The following PTK2 variants were observed in gnomAD, a reference collection of about 807,000 sequenced individuals.
The protein encoded by PTK2 is protein tyrosine kinase 2, also known as focal adhesion kinase 1.
A neutral mutation model predicts 150.1 loss-of-function variants in PTK2; 45 were observed. That is an observed-to-expected ratio of 0.30 (90% CI 0.24 to 0.38). PTK2 has a LOEUF of 0.38. PTK2 is among the 10% of genes least tolerant of loss of function. The probability of loss-of-function intolerance (pLI) is 1.00; values close to 1 mark genes in which losing one functional copy is unlikely to be tolerated. For synonymous variants in PTK2, 432 were observed against 449.2 expected (o/e 0.96, Z 0.48); for missense variants, 919 against 1,307.3 (o/e 0.70, Z 4.58).
At chr8:140,769,621 G>C in intron 14 of PTK2, 29 bp from the exon 16 acceptor site, 1 of 1,348,492 alleles carries the variant, frequency 7.4e-7, no homozygotes, top group Non-Finnish European at 9.8e-7. Flanking sequence ...TGCAAAGAAA[G>C]GGAAGTAGGG....
intron 7 of PTK2, among the ~76,000 whole-genome samples, chr8:140,832,744 C>T (rs1052065499): frequency 4.0e-5 from 6 of 151,814 alleles, no homozygotes; most frequent in Non-Finnish European, 5.9e-5. Context: ...GCTGAAGCTA[C>T]GCACCGAGAA....
chr8:140,771,388 A>G (rs111457802), intron 14 of PTK2: 162 of 152,358 alleles, frequency 1.1e-3, no homozygotes, highest in African/African-American at 3.6e-3. Flanking sequence ...AGCTCATTTT[A>G]GAGTCAAAAA....
At chr8:140,764,363 A>T in intron 14 of PTK2, 73 bp from the exon 17 acceptor site, 1 of 1,151,646 alleles carries the variant, frequency 8.7e-7, no homozygotes, top group Non-Finnish European at 1.3e-6. Flanking sequence ...TAATTAAAGT[A>T]GGCAAAGCGA....
chr8:140,696,846 G>A (rs531572357), intron 26 of PTK2, among the ~76,000 whole-genome samples: 1 of 152,128 alleles, frequency 6.6e-6, no homozygotes, highest in African/African-American at 2.4e-5. Flanking sequence ...CATGGTCCAT[G>A]GTCTCTGCAC....
At chr8:140,930,883 G>A (rs1359184455) in intron 1 of PTK2, among the ~76,000 whole-genome samples, 67 of 152,050 alleles carry the variant, frequency 4.4e-4, no homozygotes, top group Admixed American at 4.3e-3. Flanking sequence ...AGACCAGCCT[G>A]AGTAACATGG....
intron 14 of PTK2, among the ~76,000 whole-genome samples, chr8:140,772,477 G>A (rs1187230563): frequency 6.6e-6 from 1 of 152,208 alleles, no homozygotes; most frequent in Non-Finnish European, 1.5e-5. Flanking sequence ...ATGAATTCTG[G>A]ACTGGAGGCT....
chr8:140,794,536 A>G (rs1432228816), intron 12 of PTK2, among the ~76,000 whole-genome samples: 2 of 152,108 alleles, frequency 1.3e-5, no homozygotes, highest in Non-Finnish European at 2.9e-5. Flanking sequence ...AACATCTCCA[A>G]TGACATCTGC....
chr8:140,727,131 G>A (rs1415881666), intron 22 of PTK2, among the ~76,000 whole-genome samples: 1 of 152,218 alleles, frequency 6.6e-6, no homozygotes, highest in Non-Finnish European at 1.5e-5. Flanking sequence ...GGCAGAGAAA[G>A]AGAGGTGGAT....
intron 22 of PTK2, among the ~76,000 whole-genome samples, chr8:140,722,318 A>C (rs1473012648): frequency 6.6e-6 from 1 of 152,190 alleles, no homozygotes; most frequent in East Asian, 1.9e-4. Context: ...TCTGTAGCCT[A>C]GGCTGGAGTT....
chr8:140,911,133 C>T lies in PTK2; in HGVS notation c.-33+14528G>A, dbSNP rs1377348230. 2.0e-5 allele frequency among the ~76,000 whole-genome samples: 3 copies of T among 151,970 alleles called. No homozygotes were observed. The East Asian group carries it at 5.8e-4, about 29-fold the overall frequency. On this transcript the variant is annotated intron_variant, in intron 2 of 31. Coordinates refer to ENST00000522684, the Ensembl canonical transcript of PTK2. The stretch of plus-strand genomic sequence containing the variant: ...CTCAAACTCCTGAGCTCAAGCAATC[C>T]ACCCACCTCAGCCTCCCAAAGCACT...
intron 31 of PTK2, chr8:140,660,587 A>G: frequency 2.2e-6 from 1 of 454,852 alleles, no homozygotes; most frequent in Non-Finnish European, 4.4e-6. Context: ...TTAGCTGAGT[A>G]TGGTGGTGTG....
At chr8:140,696,397 G>A (rs2154000322) in intron 26 of PTK2, among the ~76,000 whole-genome samples, 1 of 152,314 alleles carries the variant, frequency 6.6e-6, no homozygotes, top group South Asian at 2.1e-4. Context: ...AGAGAACGCA[G>A]TAGTGCACAT....
rs145627057 is a variant in PTK2, at chr8:140,787,843, C to T, written c.1177+1631G>A. Among the ~76,000 whole-genome samples, 684 of 152,274 alleles carry T rather than the reference C, an allele frequency of 4.5e-3. 3 individuals are homozygous for T. The highest frequency in any genetic ancestry group is 0.016 in the African/African-American group (646 of 41,552). On this transcript the variant is annotated intron_variant, in intron 14 of 31. Coordinates refer to ENST00000522684, the Ensembl canonical transcript of PTK2. ...GCTGCTTTACAGTTTGGCAAGAAGA[C>T]GGACCAAAGGGCCTGCGAGTTATTC...
At chr8:140,707,661 TC>T (rs1057026333) in intron 23 of PTK2, among the ~76,000 whole-genome samples, 3 of 152,218 alleles carry the variant, frequency 2.0e-5, no homozygotes, top group African/African-American at 7.2e-5. Context: ...TGCCTCAGCC[TC>T]CCACAGTGCT....
At chr8:140,781,592 T>C (rs1352973850) in intron 14 of PTK2, among the ~76,000 whole-genome samples, 1 of 152,170 alleles carries the variant, frequency 6.6e-6, no homozygotes, top group Non-Finnish European at 1.5e-5. Flanking sequence ...TTTAAATTTT[T>C]GTTGTACTCA....
At chr8:140,910,037 T>C (rs1482066931) in intron 2 of PTK2, among the ~76,000 whole-genome samples, 2 of 152,212 alleles carry the variant, frequency 1.3e-5, no homozygotes, top group South Asian at 2.1e-4. Context: ...AAATCTATCA[T>C]GAGTATACAA....
rs189430130 is a variant in PTK2, at chr8:140,935,731, G to A, written c.-121-9982C>T. ...TTTTTTTTTTTTGAGACAGAGTCTC[G>A]CTCTTTGCCTCGGCTCACTGCAAGC... On this transcript the variant is annotated intron_variant, in intron 1 of 31. Coordinates refer to ENST00000522684, the Ensembl canonical transcript of PTK2. Among the ~76,000 whole-genome samples the A allele has an allele frequency of 2.0e-3, 198 of 99,900 alleles. 4 individuals are homozygous for A. The South Asian group carries it at 0.066, about 33-fold the overall frequency. The allele number at this position is 99,900 out of a possible 152,430, so 65.5% of individuals were successfully genotyped here.
At chr8:140,703,250 G>A (rs1410113664) in intron 24 of PTK2, among the ~76,000 whole-genome samples, 1 of 151,840 alleles carries the variant, frequency 6.6e-6, no homozygotes, top group African/African-American at 2.4e-5. Flanking sequence ...GTGACAGAGA[G>A]AGACTCCGTC....
intron 8 of PTK2, among the ~76,000 whole-genome samples, chr8:140,825,206 C>T (rs1294439891): frequency 2.0e-5 from 3 of 152,200 alleles, no homozygotes; most frequent in African/African-American, 4.8e-5. Flanking sequence ...ACAGGACCCA[C>T]ATCAGATGAT....
Sources: allele counts gnomAD v4.1 joint callset (sites outside exome capture counted in the v4.1 genomes callset), GRCh38; gene constraint gnomAD v4.1.1; transcripts MANE v1.5; gene names NCBI Gene and HGNC (gene_info 2026-07-23, HGNC 2026-07-21).